Variants in PDE7B observed in about 807,000 individuals in gnomAD.
PDE7B encodes phosphodiesterase 7B, also known as 3',5'-cyclic-AMP phosphodiesterase 7B.
Under a neutral mutation model 56.2 loss-of-function variants are expected in PDE7B, and 29 were observed. That is an observed-to-expected ratio of 0.52 (90% CI 0.38 to 0.70). PDE7B has a LOEUF of 0.70. Ranked by LOEUF, PDE7B falls within the 30% of genes least tolerant of loss-of-function variation. PDE7B has a pLI of 0.00. For missense variants in PDE7B, 490 were observed against 565.0 expected (o/e 0.87, Z 1.35); for synonymous variants, 197 against 196.9 (o/e 1.00, Z 0.00).
chr6:135,952,647 T>A (rs1160422340), intron 2 of PDE7B, among the ~76,000 whole-genome samples: 4 of 152,136 alleles, frequency 2.6e-5, no homozygotes, highest in African/African-American at 4.8e-5. Flanking sequence ...ATGTGAAGAC[T>A]CATCTATCTA....
At chr6:135,877,503 CTGGAA>C (rs1775521029) in intron 1 of PDE7B, among the ~76,000 whole-genome samples, 1 of 151,950 alleles carries the variant, frequency 6.6e-6, no homozygotes, top group African/African-American at 2.4e-5. Context: ...TGTCACTTCC[CTGGAA>C]TGATGACCTT....
rs185839335 is a variant in PDE7B at position 136,157,616 on chromosome 6, A to G, written c.711+1858A>G. 2.8e-3 allele frequency among the ~76,000 whole-genome samples: 431 copies of G among 152,338 alleles called. 7 individuals are homozygous for G. The highest frequency in any genetic ancestry group is 2.2e-3 in the Non-Finnish European group (147 of 68,036). On this transcript the variant is annotated intron_variant, in intron 8 of 12. Transcript: ENST00000308191. ...AGGAAAGAAAAGATAAGTGATCTAA[A>G]GTGTGAGAGGCTTGATAGATACTTT...
intron 1 of PDE7B, among the ~76,000 whole-genome samples, chr6:135,935,682 G>T (rs1462238236): frequency 6.6e-6 from 1 of 152,212 alleles, no homozygotes; most frequent in African/African-American, 2.4e-5. Context: ...GCCAAAGTCT[G>T]TTGTGGAGTT....
chr6:136,024,768 T>C (rs1288461635), intron 2 of PDE7B, among the ~76,000 whole-genome samples: 1 of 152,216 alleles, frequency 6.6e-6, no homozygotes, highest in Non-Finnish European at 1.5e-5. Flanking sequence ...AGTTTTGTTT[T>C]GTTGTATTTT....
Position 136,011,043 on chromosome 6 carries a change from C to T in PDE7B, c.82+63519C>T, listed in dbSNP as rs533066111. 3.9e-5 allele frequency among the ~76,000 whole-genome samples: 6 copies of T among 152,182 alleles called. No individual in the cohort carries two copies. In the East Asian group the frequency reaches 1.2e-3, roughly 29 times the overall value. On this transcript the variant is annotated intron_variant, in intron 2 of 12. Coordinates refer to ENST00000308191, the MANE Select transcript of PDE7B (RefSeq NM_018945.4). ...TTGGAGATTTACATTTTACTCACAC[C>T]TCAGACATAGACACAAGCTGGGGTT...
intron 2 of PDE7B, among the ~76,000 whole-genome samples, chr6:136,009,165 G>T (rs1009326363): frequency 5.9e-5 from 9 of 152,004 alleles, no homozygotes; most frequent in Non-Finnish European, 1.2e-4. Context: ...CATTATTTCT[G>T]AGGGCTCTGT....
At chr6:136,171,769 T>G in intron 8 of PDE7B, among the ~76,000 whole-genome samples, 2 of 147,540 alleles carry the variant, frequency 1.4e-5, no homozygotes, top group East Asian at 2.1e-4. Flanking sequence ...GTATATCTCC[T>G]AAAGCTATCC....
chr6:135,988,856 G>A (rs1775426601), intron 2 of PDE7B, among the ~76,000 whole-genome samples: 1 of 152,184 alleles, frequency 6.6e-6, no homozygotes, highest in Non-Finnish European at 1.5e-5. Flanking sequence ...AAGACAGACT[G>A]ATGGATGTTT....
intron 2 of PDE7B, among the ~76,000 whole-genome samples, chr6:136,062,464 G>A (rs1022983930): frequency 6.6e-6 from 1 of 152,078 alleles, no homozygotes; most frequent in African/African-American, 2.4e-5. Flanking sequence ...ATAGTTTTGG[G>A]AGTACAGGTG....
intron 2 of PDE7B, among the ~76,000 whole-genome samples, chr6:136,090,238 C>T (rs539455391): frequency 5.3e-5 from 8 of 152,266 alleles, no homozygotes; most frequent in East Asian, 1.9e-4. Flanking sequence ...TGGAGCATCA[C>T]GATCTGGGGA....
intron 2 of PDE7B, among the ~76,000 whole-genome samples, chr6:135,976,367 G>A (rs901542744): frequency 6.6e-6 from 1 of 152,060 alleles, no homozygotes; most frequent in Non-Finnish European, 1.5e-5. Context: ...CCCCATAAAG[G>A]CCCTCAAGGG....
chr6:135,964,012 G>C (rs539367414), intron 2 of PDE7B, among the ~76,000 whole-genome samples: 28 of 152,194 alleles, frequency 1.8e-4, no homozygotes, highest in East Asian at 1.3e-3. Context: ...CTTTGTTCAG[G>C]CTCTATCATC....
chr6:135,981,550 A>C (rs1184334104), intron 2 of PDE7B, among the ~76,000 whole-genome samples: 2 of 150,486 alleles, frequency 1.3e-5, no homozygotes, highest in Non-Finnish European at 3.0e-5. Context: ...AAAAAAAAAA[A>C]CCGAGACACA....
intron 2 of PDE7B, among the ~76,000 whole-genome samples, chr6:136,090,908 A>G (rs1008958358): frequency 6.6e-6 from 1 of 152,214 alleles, no homozygotes; most frequent in Non-Finnish European, 1.5e-5. Context: ...AAAATACTCT[A>G]CAAGTCAATT....
rs1468312269 is a variant in PDE7B, at chr6:135,969,123, T to C, written c.82+21599T>C. 4.0e-5 allele frequency among the ~76,000 whole-genome samples: 6 copies of C among 151,808 alleles called. No individual in the cohort carries two copies. The East Asian group carries it at 9.7e-4, about 25-fold the overall frequency. On this transcript the variant is annotated intron_variant, in intron 2 of 12. Transcript: ENST00000308191. ...GACACATCGAGGGGAACAACACACA[T>C]TGGGGCCTGTGGTGGATGGTGTGGA...
chr6:136,108,353 G>A (rs974283210), intron 2 of PDE7B, among the ~76,000 whole-genome samples: 1 of 152,062 alleles, frequency 6.6e-6, no homozygotes, highest in African/African-American at 2.4e-5. Flanking sequence ...AAAAATTATA[G>A]TCTGGGTGAT....
intron 2 of PDE7B, among the ~76,000 whole-genome samples, chr6:136,085,879 C>G (rs928889675): frequency 1.3e-5 from 2 of 152,128 alleles, no homozygotes; most frequent in Non-Finnish European, 2.9e-5. Context: ...ACACTTCAGG[C>G]TCAAGCAGTA....
intron 2 of PDE7B, among the ~76,000 whole-genome samples, chr6:136,033,475 C>G (rs1269940012): frequency 6.6e-6 from 1 of 152,072 alleles, no homozygotes; most frequent in East Asian, 1.9e-4. Flanking sequence ...GAAAAAGGAC[C>G]CAAAGGCTAG....
At chr6:136,030,760 C>T (rs370610873) in intron 2 of PDE7B, among the ~76,000 whole-genome samples, 1 of 152,276 alleles carries the variant, frequency 6.6e-6, no homozygotes, top group East Asian at 1.9e-4. Flanking sequence ...CAGAGCCTTG[C>T]CTGTATTCCA....
Sources: gnomAD v4.1 joint callset for allele counts (sites outside exome capture counted in the v4.1 genomes callset) on GRCh38, gnomAD v4.1.1 for gene constraint, MANE v1.5 for transcripts, NCBI Gene and HGNC (gene_info 2026-07-23, HGNC 2026-07-21) for gene names.